The following ACOXL variants were observed in gnomAD, a reference collection of about 807,000 sequenced individuals.
ACOXL encodes the protein acyl-CoA oxidase like.
In ACOXL, 70 loss-of-function variants were observed where a neutral mutation model predicts 71.9. The ratio of observed to expected loss-of-function variants is 0.97; its 90% CI spans 0.80 to 1.19. ACOXL has a LOEUF of 1.19. Ranked by LOEUF, ACOXL falls within the 50% of genes most tolerant of loss-of-function variation. The probability of loss-of-function intolerance (pLI) is 0.00; values close to 1 mark genes in which losing one functional copy is unlikely to be tolerated. For synonymous variants in ACOXL, 253 were observed against 281.6 expected (o/e 0.90, Z 1.02); for missense variants, 703 against 736.3 (o/e 0.95, Z 0.52).
chr2:110,784,774 G>C lies in ACOXL; in HGVS notation c.118G>C (p.Gly40Arg). The C allele has an allele frequency of 8.1e-6, 13 of 1,610,120 alleles. No homozygotes were observed. Among genetic ancestry groups the C allele is most frequent in the South Asian group, 1.1e-5 (1 of 90,368 alleles). The change falls in exon 3 of 18, where the codon GGA becomes CGA. Residue 40 changes from glycine (G) to arginine (R), a missense_variant. By Grantham distance (125) the Gly-to-Arg change is moderately radical. Transcript: ENST00000439055. ...KNFVSRSLVIGEVLSMADMAT... is the reference protein window; with the variant it reads ...KNFVSRSLVIREVLSMADMAT... ...TTTTGTCAGCCGAAGCCTTGTCATAGGAGAAGTCCTCTCCATGGCGGACAT... is the reference window on the plus strand; with the variant it reads ...TTTTGTCAGCCGAAGCCTTGTCATACGAGAAGTCCTCTCCATGGCGGACAT...
intron 5 of ACOXL, among the ~76,000 whole-genome samples, chr2:110,798,403 C>G (rs1573564562): frequency 6.6e-6 from 1 of 152,034 alleles, no homozygotes; most frequent in East Asian, 1.9e-4. Context: ...ACTACAGGCA[C>G]CCGCCACCAT....
At position 110,742,783 on chromosome 2, in the gene ACOXL, G is replaced by A. The variant is rs144446540; in HGVS notation, c.-23+10009G>A. 3.1e-3 allele frequency among the ~76,000 whole-genome samples: 479 copies of A among 152,266 alleles called. 1 individual carries two copies. Among genetic ancestry groups the A allele is most frequent in the Non-Finnish European group, 5.0e-3 (340 of 68,010 alleles). Reference sequence around the variant, plus strand: ...ACTTAACTTAAGACCTGAAACTGTAGATCTACTAGAAGAAAACACAGGAAA... The same window carrying A: ...ACTTAACTTAAGACCTGAAACTGTAAATCTACTAGAAGAAAACACAGGAAA... On this transcript the variant is annotated intron_variant, in intron 1 of 17. Coordinates refer to ENST00000439055, the MANE Select transcript of ACOXL (RefSeq NM_001142807.4).
At chr2:110,917,001 C>T (rs567796339) in intron 11 of ACOXL, among the ~76,000 whole-genome samples, 1 of 152,318 alleles carries the variant, frequency 6.6e-6, no homozygotes, top group Non-Finnish European at 1.5e-5. Flanking sequence ...GGTACCATTC[C>T]TTCTGAAACT....
chr2:111,055,529 G>A (rs1375012397), intron 16 of ACOXL, among the ~76,000 whole-genome samples: 2 of 152,212 alleles, frequency 1.3e-5, no homozygotes, highest in African/African-American at 4.8e-5. Context: ...TTGGCCCCAT[G>A]CCATTGAGAG....
intron 1 of ACOXL, among the ~76,000 whole-genome samples, chr2:110,761,383 C>T (rs944673151): frequency 2.0e-5 from 3 of 152,134 alleles, no homozygotes; most frequent in Non-Finnish European, 2.9e-5. Context: ...TTGAACATTT[C>T]TCCTTTGAAT....
At chr2:110,744,967 A>G (rs1678017472) in intron 1 of ACOXL, among the ~76,000 whole-genome samples, 1 of 152,204 alleles carries the variant, frequency 6.6e-6, no homozygotes, top group South Asian at 2.1e-4. Context: ...GAGCCTCAGA[A>G]TCAAACCTGC....
At chr2:110,790,748 G>A (rs1346727076) in intron 3 of ACOXL, among the ~76,000 whole-genome samples, 1 of 152,056 alleles carries the variant, frequency 6.6e-6, no homozygotes, top group Non-Finnish European at 1.5e-5. Flanking sequence ...ACATTCCCAC[G>A]TGATCGGTTG....
chr2:110,896,453 C>T (rs796913335), intron 10 of ACOXL, among the ~76,000 whole-genome samples: 5 of 152,122 alleles, frequency 3.3e-5, no homozygotes, highest in East Asian at 1.9e-4. Flanking sequence ...TATTTAAAAA[C>T]GTAACTGAAC....
At chr2:111,037,048 G>A (rs1249026093) in intron 15 of ACOXL, 1 of 152,144 alleles carries the variant, frequency 6.6e-6, no homozygotes, top group Non-Finnish European at 1.5e-5. Context: ...CAAGAGACAT[G>A]GGAAGAGAAG....
intron 9 of ACOXL, among the ~76,000 whole-genome samples, chr2:110,838,326 G>A (rs1003494895): frequency 6.6e-5 from 10 of 152,196 alleles, no homozygotes; most frequent in Admixed American, 4.6e-4. Flanking sequence ...GTGCATATGT[G>A]TGTGTGCAGT....
chr2:110,746,821 C>A (rs10173397), intron 1 of ACOXL, among the ~76,000 whole-genome samples: 1 of 151,486 alleles, frequency 6.6e-6, no homozygotes, highest in Non-Finnish European at 1.5e-5. Context: ...CTTCTCCCCC[C>A]GCCCTTTAGT....
intron 12 of ACOXL, 25 bp downstream of exon 12, chr2:110,933,667 C>A (rs1244522596): frequency 6.3e-7 from 1 of 1,595,452 alleles, no homozygotes; most frequent in Non-Finnish European, 8.5e-7. Flanking sequence ...CTGCAGCCCC[C>A]GTGGGTCCCC....
intron 10 of ACOXL, among the ~76,000 whole-genome samples, chr2:110,889,451 A>G (rs1273682632): frequency 3.3e-5 from 5 of 152,292 alleles, no homozygotes; most frequent in East Asian, 1.9e-4. Context: ...TTACATTTCT[A>G]TCAACCCTTG....
At chr2:110,831,505 A>G (rs1211473945) in intron 9 of ACOXL, among the ~76,000 whole-genome samples, 3 of 152,360 alleles carry the variant, frequency 2.0e-5, no homozygotes, top group East Asian at 1.9e-4. Flanking sequence ...AAGACTCCAC[A>G]TGATAAAGTT....
chr2:110,881,947 A>G (rs140963117), intron 10 of ACOXL, among the ~76,000 whole-genome samples: 43 of 152,194 alleles, frequency 2.8e-4, no homozygotes, highest in African/African-American at 1.0e-3. Context: ...ATTTGCATAT[A>G]AGTCTTTTTT....
chr2:110,924,632 C>G (rs985721883), intron 11 of ACOXL, among the ~76,000 whole-genome samples: 2 of 152,098 alleles, frequency 1.3e-5, no homozygotes, highest in Non-Finnish European at 2.9e-5. Context: ...GTCACATCTT[C>G]AGGCTCCACT....
chr2:111,020,803 G>A (rs2064718669), intron 14 of ACOXL, among the ~76,000 whole-genome samples: 1 of 152,156 alleles, frequency 6.6e-6, no homozygotes, highest in Non-Finnish European at 1.5e-5. Context: ...GTATTCTTTG[G>A]AGCCATATTT....
chr2:110,980,376 C>T (rs17041671), intron 12 of ACOXL, among the ~76,000 whole-genome samples: 4,561 of 152,182 alleles, frequency 0.03, 295 homozygotes, highest in East Asian at 0.22. Context: ...GGTAGGAGAG[C>T]GAAAATGTGT....
intron 9 of ACOXL, among the ~76,000 whole-genome samples, chr2:110,816,168 G>T (rs1055171320): frequency 2.6e-5 from 4 of 151,902 alleles, no homozygotes; most frequent in African/African-American, 4.8e-5. Context: ...TGCATGGATG[G>T]ACGGATGGAT....
Sources: allele counts gnomAD v4.1 joint callset (sites outside exome capture counted in the v4.1 genomes callset), GRCh38; gene constraint gnomAD v4.1.1; transcripts MANE v1.5; gene names NCBI Gene and HGNC (gene_info 2026-07-23, HGNC 2026-07-21).